Variants in CCNL2 observed in about 807,000 individuals in gnomAD.
CCNL2 encodes cyclin-L2.
A neutral mutation model predicts 59.1 loss-of-function variants in CCNL2; 28 were observed. The ratio of observed to expected loss-of-function variants is 0.47; its 90% confidence interval spans 0.35 to 0.65. CCNL2 has a LOEUF of 0.65. CCNL2 is among the 30% of genes least tolerant of loss of function. CCNL2 has a pLI of 0.00. For missense variants in CCNL2, 714 were observed against 717.4 expected, an observed-to-expected ratio of 1.00 and a Z score of 0.05; for synonymous variants, 342 against 288.6, an observed-to-expected ratio of 1.19 and a Z score of -1.88.
At chr1:1,393,074 T>G (rs982863703) in intron 5 of CCNL2, 8 of 590,552 alleles carry the variant, frequency 1.4e-5, no homozygotes, top group African/African-American at 9.3e-5. Context: ...AAGTCTGCAC[T>G]AGCCTGTCCC....
At chr1:1,394,120 G>C (rs1324214761) in intron 4 of CCNL2, among the ~76,000 whole-genome samples, 1 of 146,962 alleles carries the variant, frequency 6.8e-6, no homozygotes, top group Non-Finnish European at 1.5e-5. Context: ...GCGAGATTCC[G>C]TCTCCAAAAA....
chr1:1,388,033 G>A lies in CCNL2; in HGVS notation c.1039C>T (p.Pro347Ser). ...GTGTTCTTCACAGACAGTGGGGAAG[G>A]CTTGCTCCCTTTACCTTCTTTGGGG... is the stretch of plus-strand genomic sequence containing the variant. ...ESPKEGKGSK[P>S]SPLSVKNTKR... Residue 347 changes from proline (P) to serine (S), a missense_variant, in exon 9 of 11, where the codon CCT (proline) becomes TCT (serine). This residue lies in a region of CCNL2 where 403 missense variants were observed against 377.7 expected (regional missense o/e 1.07). Coordinates refer to ENST00000400809, the MANE Select transcript of CCNL2 (RefSeq NM_030937.6). 6.2e-7 allele frequency: 1 copy of A among 1,613,982 alleles called. No individual in the cohort carries two copies. Among genetic ancestry groups the A allele is most frequent in the South Asian group, 1.1e-5 (1 of 91,090 alleles).
intron 8 of CCNL2, chr1:1,388,772 G>GAAAA (rs775917140): frequency 2.6e-3 from 410 of 155,936 alleles, no homozygotes; most frequent in Middle Eastern, 7.7e-3. Context: ...CTCCGTCTCA[G>GAAAA]AAAAAAAAAA....
chr1:1,396,087 G>A (rs1203024359), intron 3 of CCNL2, among the ~76,000 whole-genome samples: 1 of 150,924 alleles, frequency 6.6e-6, no homozygotes, highest in African/African-American at 2.4e-5. Context: ...GCTGAGGCAG[G>A]AGATTCACTT....
Position 1,398,813 on chromosome 1 carries a change from G to A in CCNL2, c.289-142C>T, listed in dbSNP as rs892946440. The A allele has an allele frequency of 5.1e-5, 64 of 1,248,600 alleles. No individual in the cohort carries two copies. In the Admixed American group the frequency reaches 6.6e-4, roughly 13 times the overall value. The allele number at this position is 1,248,600 out of a possible 1,614,324, so 77.3% of individuals were successfully genotyped here. ...CGTCCACAAAGGCTCTTCGCGTCCC[G>A]CCGTCTCGGGATCCAGCGCACTGGC... On this transcript the variant is annotated intron_variant, in intron 1 of 10. Transcript: ENST00000400809.
intron 3 of CCNL2, among the ~76,000 whole-genome samples, chr1:1,396,948 C>T (rs576518944): frequency 7.0e-4 from 107 of 151,948 alleles, no homozygotes; most frequent in Non-Finnish European, 1.2e-3. Context: ...GGGGTTTCAC[C>T]GTGTTAGCCA....
chr1:1,387,928 C>G, intron 9 of CCNL2, 26 bp downstream of exon 9: 1 of 1,613,238 alleles, frequency 6.2e-7, no homozygotes, highest in Non-Finnish European at 8.5e-7. Flanking sequence ...ACCCTGACAG[C>G]CACCTGGGCA....
chr1:1,395,559 C>A (rs764445331), intron 3 of CCNL2, 45 bp from the exon 4 acceptor site: 5 of 1,608,958 alleles, frequency 3.1e-6, no homozygotes, highest in Non-Finnish European at 4.2e-6. Context: ...TCAAGCAGAG[C>A]AAGGCTTCTG....
Position 1,387,847 on chromosome 1 carries a change from G to C in CCNL2, c.1141C>G (p.Arg381Gly), listed in dbSNP as rs1017810145. The C allele has an allele frequency of 2.5e-6, 4 of 1,613,588 alleles. No homozygotes were observed. In the African/African-American group the frequency reaches 4.0e-5, roughly 16 times the overall value. ...VNGLPKGRES[R>G]SRSRSREQSY... Reference sequence around the variant, plus strand: ...TGCTCACGGCTCCGGCTCCGACTCCGACTCTCTCGCCCCTTTGGCAAGCTG... The same window carrying C: ...TGCTCACGGCTCCGGCTCCGACTCCCACTCTCTCGCCCCTTTGGCAAGCTG... Residue 381 changes from arginine (R) to glycine (G), a missense_variant, in exon 10 of 11, where the codon CGG becomes GGG. By Grantham distance (125) the Arg-to-Gly change is moderately radical. Around this residue, in one of 5 missense-constraint regions of CCNL2, gnomAD observed 403 missense variants for 377.7 expected, o/e 1.07. Transcript: ENST00000400809.
rs1275732409 is a variant in CCNL2 at position 1,399,012 on chromosome 1, C to T, written c.288+7G>A. The T allele has an allele frequency of 6.3e-7, 1 of 1,591,298 alleles. No homozygotes were observed. Among genetic ancestry groups the T allele is most frequent in the Non-Finnish European group, 8.5e-7 (1 of 1,171,318 alleles). ...CCTGGGCCGGAGGCTCGCGGCCGCG[C>T]CCTCACCTGCGGCAGGCGGAGCAGG... On this transcript the variant is annotated splice_region_variant and intron_variant, in intron 1 of 10. Transcript: ENST00000400809.
At position 1,398,617 on chromosome 1, in the gene CCNL2, A is replaced by G; in HGVS notation, c.343T>C (p.Phe115Leu). The G allele has an allele frequency of 6.2e-7, 1 of 1,614,044 alleles. No homozygotes were observed. The highest frequency in any genetic ancestry group is 1.3e-5 in the African/African-American group (1 of 75,068). Reference protein sequence around the residue: ...LFQRFFYTKSFVKHSMEHVSM... With the variant: ...LFQRFFYTKSLVKHSMEHVSM... ...CTTACCTCCATGGAGTGCTTCACGAAGGACTTGGTATAAAAGAACCGCTGG... is the reference window on the plus strand; with the variant it reads ...CTTACCTCCATGGAGTGCTTCACGAGGGACTTGGTATAAAAGAACCGCTGG... Residue 115 changes from phenylalanine (F) to leucine (L), a missense_variant, in exon 2 of 11, where the codon TTC (phenylalanine) becomes CTC (leucine). Coordinates refer to ENST00000400809, the MANE Select transcript of CCNL2 (RefSeq NM_030937.6).
rs770670824 is a variant in CCNL2, at chr1:1,394,885, C to T, written c.594+509G>A. Among the ~76,000 whole-genome samples the T allele has an allele frequency of 1.5e-4, 23 of 152,016 alleles. 1 individual carries two copies. Among genetic ancestry groups the T allele is most frequent in the African/African-American group, 4.1e-4 (17 of 41,438 alleles). ...CATTCTGGCCAACATGGTGAAACCCCGTCTCTACTAAAAATACAAAAATCA... is the reference window on the plus strand; with the variant it reads ...CATTCTGGCCAACATGGTGAAACCCTGTCTCTACTAAAAATACAAAAATCA... On this transcript the variant is annotated intron_variant, in intron 4 of 10. Transcript: ENST00000400809.
At chr1:1,391,282 G>C in intron 5 of CCNL2, 1 of 1,138,286 alleles carries the variant, frequency 8.8e-7, no homozygotes. Context: ...CCATAGTGCA[G>C]AGAAACATGC....
At position 1,396,330 on chromosome 1, in the gene CCNL2, G is replaced by A. The variant is rs537418399; in HGVS notation, c.474-816C>T. On this transcript the variant is annotated intron_variant, in intron 3 of 10. Transcript: ENST00000400809. ...TGCCCAGGCTGGAGTGCAGTGGCGC[G>A]CTCTTGGCTCACTATAACCTCCACC... Among the ~76,000 whole-genome samples the A allele has an allele frequency of 2.6e-4, 38 of 145,412 alleles. No individual in the cohort carries two copies. In the South Asian group the frequency reaches 7.2e-3, roughly 27 times the overall value.
chr1:1,392,904 GACTTA>G, intron 5 of CCNL2: 1 of 1,187,288 alleles, frequency 8.4e-7, no homozygotes, highest in South Asian at 1.3e-5. Context: ...GACCCTTACA[GACTTA>G]ACTCCATGGG....
At chr1:1,395,214 C>G in intron 4 of CCNL2, 180 bp downstream of exon 4, 1 of 556,022 alleles carries the variant, frequency 1.8e-6, no homozygotes, top group South Asian at 3.4e-5. Flanking sequence ...AAATAAACAG[C>G]TGACACTAGA....
At position 1,390,553 on chromosome 1, in the gene CCNL2, G is replaced by C; in HGVS notation, c.770C>G (p.Pro257Arg). The C allele has an allele frequency of 1.2e-6, 2 of 1,612,112 alleles. No homozygotes were observed. The highest frequency in any genetic ancestry group is 1.7e-6 in the Non-Finnish European group (2 of 1,178,914). ...LAARTLEIPL[P>R]NRPHWFLLFG... ...CAAAAGAAACCAATGGGGACGATTGGGCAAAGGGATCTGTAAAAACAAACA... is the reference window on the plus strand; with the variant it reads ...CAAAAGAAACCAATGGGGACGATTGCGCAAAGGGATCTGTAAAAACAAACA... Residue 257 changes from proline (P) to arginine (R), a missense_variant, in exon 7 of 11, where the codon CCC becomes CGC. Pro to Arg is a moderately radical substitution (Grantham distance 103, BLOSUM62 -2). Coordinates refer to ENST00000400809, the MANE Select transcript of CCNL2 (RefSeq NM_030937.6).
intron 3 of CCNL2, among the ~76,000 whole-genome samples, chr1:1,395,791 G>A (rs188432709): frequency 8.1e-4 from 123 of 152,254 alleles, no homozygotes; most frequent in African/African-American, 2.8e-3. Context: ...TTAGGATCTC[G>A]TGGCACAAAT....
chr1:1,399,321 T>C lies in CCNL2; in HGVS notation c.-15A>G, dbSNP rs1348506434. The C allele has an allele frequency of 7.0e-7, 1 of 1,436,068 alleles. No individual in the cohort carries two copies. Among genetic ancestry groups the C allele is most frequent in the African/African-American group, 1.5e-5 (1 of 66,490 alleles). The allele number at this position is 1,436,068 out of a possible 1,614,324, so 89.0% of individuals were successfully genotyped here. On this transcript the variant is annotated 5_prime_UTR_variant, in exon 1 of 11. Coordinates refer to ENST00000400809, the MANE Select transcript of CCNL2 (RefSeq NM_030937.6). The stretch of plus-strand genomic sequence containing the variant: ...GCCGCCGCCATTTTGTGCCGCCGAC[T>C]CCCCTTCGGCTTCTTCCCTCAGGGC...
Sources: gnomAD v4.1 joint callset for allele counts (sites outside exome capture counted in the v4.1 genomes callset) on GRCh38, gnomAD v4.1.1 for gene constraint, gnomAD v4.1.1 regional missense constraint, MANE v1.5 for transcripts, NCBI Gene and HGNC (gene_info 2026-07-23, HGNC 2026-07-21) for gene names.